Variants in PITPNC1 observed in about 807,000 individuals in gnomAD.
PITPNC1 encodes cytoplasmic phosphatidylinositol transfer protein 1.
A neutral mutation model predicts 44.7 loss-of-function variants in PITPNC1; 18 were observed. The ratio of observed to expected loss-of-function variants is 0.40; its 90% CI spans 0.28 to 0.60. The LOEUF (loss-of-function observed/expected upper bound fraction) is 0.60. PITPNC1 is among the 20% of genes least tolerant of loss of function. The pLI, the probability that PITPNC1 is intolerant of heterozygous loss-of-function variation, is 0.39. For synonymous variants in PITPNC1, 141 were observed against 149.6 expected, an observed-to-expected ratio of 0.94 and a Z score of 0.42; for missense variants, 290 against 418.4, an observed-to-expected ratio of 0.69 and a Z score of 2.68.
intron 1 of PITPNC1, among the ~76,000 whole-genome samples, chr17:67,522,021 G>A (rs763608318): frequency 6.6e-6 from 1 of 152,004 alleles, no homozygotes; most frequent in Non-Finnish European, 1.5e-5. Flanking sequence ...AAGACCTCTC[G>A]GGCTGGGCAT....
intron 6 of PITPNC1, among the ~76,000 whole-genome samples, chr17:67,662,830 G>A (rs1040507701): frequency 2.6e-5 from 4 of 152,034 alleles, no homozygotes; most frequent in Admixed American, 1.3e-4. Context: ...TAGTTATATG[G>A]GAATATTGTG....
chr17:67,571,533 G>A (rs78562079), intron 4 of PITPNC1, among the ~76,000 whole-genome samples: 1 of 152,354 alleles, frequency 6.6e-6, no homozygotes, highest in Non-Finnish European at 1.5e-5. Context: ...CCTTGGCTCA[G>A]GCAACTCACC....
chr17:67,639,471 T>C (rs958217764), intron 6 of PITPNC1, among the ~76,000 whole-genome samples: 4 of 152,342 alleles, frequency 2.6e-5, no homozygotes, highest in Non-Finnish European at 4.4e-5. Context: ...TTACTAGTGA[T>C]AAATACAGCA....
intron 1 of PITPNC1, among the ~76,000 whole-genome samples, chr17:67,450,323 A>G (rs1363414523): frequency 3.3e-5 from 5 of 152,074 alleles, no homozygotes; most frequent in African/African-American, 1.2e-4. Flanking sequence ...AAGTGAGCCC[A>G]CAGGCAAGTC....
chr17:67,591,092 C>T (rs566964981), intron 5 of PITPNC1, among the ~76,000 whole-genome samples: 86 of 152,214 alleles, frequency 5.6e-4, no homozygotes, highest in African/African-American at 1.9e-3. Context: ...CTGAAAAAGA[C>T]GCATCACCTC....
At chr17:67,612,137 A>G (rs1192486476) in intron 5 of PITPNC1, 2 of 152,224 alleles carry the variant, frequency 1.3e-5, no homozygotes, top group East Asian at 3.8e-4. Context: ...ATGAGTACCA[A>G]CTCATCTTGG....
intron 2 of PITPNC1, among the ~76,000 whole-genome samples, chr17:67,538,818 CA>C (rs973732813): frequency 1.3e-5 from 2 of 150,156 alleles, no homozygotes; most frequent in African/African-American, 4.9e-5. Context: ...AAAACAAAAA[CA>C]AAAAAAACCT....
At chr17:67,583,956 G>A (rs2041275399) in intron 5 of PITPNC1, among the ~76,000 whole-genome samples, 2 of 150,442 alleles carry the variant, frequency 1.3e-5, no homozygotes, top group African/African-American at 2.5e-5. Flanking sequence ...AGCCAGGATG[G>A]TCTCGATCTC....
intron 1 of PITPNC1, among the ~76,000 whole-genome samples, chr17:67,414,871 TTCTC>T (rs535133001): frequency 1.5e-3 from 221 of 152,224 alleles, no homozygotes; most frequent in African/African-American, 4.3e-3. Context: ...TCTTTGCACA[TTCTC>T]TCTTTTTTAT....
At chr17:67,556,554 T>C (rs564367348) in intron 4 of PITPNC1, among the ~76,000 whole-genome samples, 1 of 152,086 alleles carries the variant, frequency 6.6e-6, no homozygotes, top group African/African-American at 2.4e-5. Context: ...CAGGGCACAC[T>C]GATGGGCCAA....
chr17:67,443,609 AC>A (rs1207053667), intron 1 of PITPNC1, among the ~76,000 whole-genome samples: 15 of 149,492 alleles, frequency 1.0e-4, no homozygotes, highest in African/African-American at 3.7e-4. Flanking sequence ...AGCACAGAGG[AC>A]AATAGGCAGA....
At chr17:67,448,684 T>C (rs530990561) in intron 1 of PITPNC1, among the ~76,000 whole-genome samples, 1 of 152,358 alleles carries the variant, frequency 6.6e-6, no homozygotes, top group East Asian at 1.9e-4. Flanking sequence ...TATCTTCTGG[T>C]GCAAAGTTCT....
chr17:67,558,777 A>G (rs2040871264), intron 4 of PITPNC1, among the ~76,000 whole-genome samples: 1 of 152,198 alleles, frequency 6.6e-6, no homozygotes, highest in Non-Finnish European at 1.5e-5. Context: ...AACATTTTAA[A>G]TTATTTAGAT....
chr17:67,491,738 G>A (rs1388385710), intron 1 of PITPNC1, among the ~76,000 whole-genome samples: 2 of 152,086 alleles, frequency 1.3e-5, no homozygotes, highest in African/African-American at 2.4e-5. Flanking sequence ...AGGTTGAGGT[G>A]GGAAGATGGC....
intron 5 of PITPNC1, among the ~76,000 whole-genome samples, chr17:67,591,636 A>AT (rs1374514444): frequency 3.3e-5 from 5 of 152,116 alleles, no homozygotes; most frequent in Non-Finnish European, 4.4e-5. Flanking sequence ...ATATTTCTTG[A>AT]TTTTTTTTAT....
chr17:67,595,747 A>G (rs1225477723), intron 5 of PITPNC1, among the ~76,000 whole-genome samples: 1 of 152,186 alleles, frequency 6.6e-6, no homozygotes, highest in Non-Finnish European at 1.5e-5. Context: ...ACTAATACCT[A>G]TTGAAGGCCT....
At chr17:67,501,165 G>A (rs1488269790) in intron 1 of PITPNC1, among the ~76,000 whole-genome samples, 3 of 152,136 alleles carry the variant, frequency 2.0e-5, no homozygotes, top group Non-Finnish European at 4.4e-5. Context: ...TAGGACCAAT[G>A]CCACAATCCA....
intron 1 of PITPNC1, among the ~76,000 whole-genome samples, chr17:67,444,126 G>A (rs1271291690): frequency 6.6e-6 from 1 of 151,960 alleles, no homozygotes; most frequent in Admixed American, 6.6e-5. Context: ...CAGGTTTCTT[G>A]TCATACTGCC....
At chr17:67,529,230 A>C (rs1186387846) in intron 1 of PITPNC1, among the ~76,000 whole-genome samples, 1 of 152,044 alleles carries the variant, frequency 6.6e-6, no homozygotes, top group Non-Finnish European at 1.5e-5. Flanking sequence ...AGCAGGAAGC[A>C]CTCGAGCTGA....
Sources: gnomAD v4.1 joint callset for allele counts (sites outside exome capture counted in the v4.1 genomes callset) on GRCh38, gnomAD v4.1.1 for gene constraint, MANE v1.5 for transcripts, NCBI Gene and HGNC (gene_info 2026-07-23, HGNC 2026-07-21) for gene names.